The following ALDOC variants were observed in gnomAD, a reference collection of about 807,000 sequenced individuals.
The protein encoded by ALDOC is fructose-bisphosphate aldolase C.
In ALDOC, 23 loss-of-function variants were observed where a neutral mutation model predicts 39.5. The ratio of observed to expected loss-of-function variants is 0.58; its 90% CI spans 0.42 to 0.82. The LOEUF (loss-of-function observed/expected upper bound fraction) is 0.82. Among genes scored for constraint, ALDOC ranks in the 40% least tolerant of loss-of-function variants. The pLI is 0.00. For missense variants in ALDOC, 356 were observed against 479.1 expected, an observed-to-expected ratio of 0.74 and a Z score of 2.40; for synonymous variants, 160 against 182.6, an observed-to-expected ratio of 0.88 and a Z score of 1.00.
At position 28,574,865 on chromosome 17, in the gene ALDOC, ACAGTGCCAACCT is replaced by A. The variant is rs1353388592; in HGVS notation, c.380-21_380-10del. 9 of 1,614,230 alleles carry A rather than the reference ACAGTGCCAACCT, an allele frequency of 5.6e-6. No homozygotes were observed. Among genetic ancestry groups the A allele is most frequent in the Non-Finnish European group, 7.6e-6 (9 of 1,180,036 alleles). On this transcript the variant is annotated splice_polypyrimidine_tract_variant and intron_variant, in intron 4 of 8. Coordinates refer to ENST00000226253, the MANE Select transcript of ALDOC (RefSeq NM_005165.3). ...TGAGAGCCCATCCAGCCCTGCAAGC[ACAGTGCCAACCT>A]CATTACTCTGCCCCTCTTTTACCAG...
intron 6 of ALDOC, 90 bp downstream of exon 6, chr17:28,574,404 G>T: frequency 6.7e-7 from 1 of 1,487,394 alleles, no homozygotes; most frequent in South Asian, 1.1e-5. Flanking sequence ...AGGGGAAAGT[G>T]TGCCTGGATC....
chr17:28,574,232 C>A lies in ALDOC; in HGVS notation c.634G>T (p.Ala212Ser), dbSNP rs1290569916. Reference sequence around the variant, plus strand: ...TGGTCACTCAGGGCCTTGTACACAGCAGCCAAGACCTGGGTGGGGATTAGA... The same window carrying A: ...TGGTCACTCAGGGCCTTGTACACAGAAGCCAAGACCTGGGTGGGGATTAGA... ...CQYVTEKVLAAVYKALSDHHV... is the reference protein window; with the variant it reads ...CQYVTEKVLASVYKALSDHHV... Residue 212 changes from alanine (A) to serine (S), a missense_variant, in exon 7 of 9, where the codon GCT becomes TCT. Physicochemically the swap from Ala to Ser is moderately conservative, Grantham distance 99. Coordinates refer to ENST00000226253, the MANE Select transcript of ALDOC (RefSeq NM_005165.3). 7 of 1,586,888 alleles carry A rather than the reference C, an allele frequency of 4.4e-6. No homozygotes were observed. The Admixed American group carries it at 9.0e-5, about 20-fold the overall frequency.
At position 28,574,676 on chromosome 17, in the gene ALDOC, C is replaced by CA; in HGVS notation, c.540+19dup. ...CAGGCATACAGGGCACCTAGCTCAC[C>CA]ACCCTCCCAACACACACACCTGCTG... On this transcript the variant is annotated intron_variant, in intron 5 of 8. Coordinates refer to ENST00000226253, the MANE Select transcript of ALDOC (RefSeq NM_005165.3). The CA allele has an allele frequency of 1.9e-6, 3 of 1,614,022 alleles. No individual in the cohort carries two copies.
chr17:28,573,638 G>A lies in ALDOC; in HGVS notation c.1000-17C>T. On this transcript the variant is annotated splice_polypyrimidine_tract_variant and intron_variant, in intron 8 of 8. Transcript: ENST00000226253. This position sits in a 1 kb window ranked among gnomAD's most constrained non-coding sequence, Gnocchi z 4.3. Reference sequence around the variant, plus strand: ...CCCATTCACCTGCAAAAGGGAGCGTGGAGTAAGCAGGCTGAGCCAGCCCAC... The same window carrying A: ...CCCATTCACCTGCAAAAGGGAGCGTAGAGTAAGCAGGCTGAGCCAGCCCAC... 1 of 1,614,126 alleles carries A rather than the reference G, an allele frequency of 6.2e-7. No homozygotes were observed. Among genetic ancestry groups the A allele is most frequent in the Non-Finnish European group, 8.5e-7 (1 of 1,179,960 alleles).
Position 28,575,318 on chromosome 17 carries a change from C to G in ALDOC, c.129G>C (p.Arg43=), listed in dbSNP as rs773307482. The G allele has an allele frequency of 1.2e-6, 2 of 1,614,220 alleles. No homozygotes were observed. Among genetic ancestry groups the G allele is most frequent in the South Asian group, 2.2e-5 (2 of 91,090 alleles). The change falls in exon 3 of 9, where the codon CGG becomes CGC. Residue 43 remains arginine (R), a synonymous_variant. Transcript: ENST00000226253. The surrounding 1 kb of genome is among the most constrained non-coding windows in gnomAD (Gnocchi z 4.3). The part of the protein sequence containing the change: ...ADESVGSMAK[R]LSQIGVENTE... ...TGTTTTCCACCCCAATTTGGCTCAG[C>G]CGCTTGGCCATGCTGCCTAGGGGCA...
chr17:28,576,860 C>T lies in ALDOC; in HGVS notation c.-72G>A. On this transcript the variant is annotated 5_prime_UTR_variant, in exon 1 of 9. Transcript: ENST00000226253. ...CACAGCTCGGGTTCTGATCCGCAAA[C>T]AGATGAGGCTGCAGCCCTGGCTCCC... 1 of 985,496 alleles carries T rather than the reference C, an allele frequency of 1.0e-6. No individual in the cohort carries two copies. The highest frequency in any genetic ancestry group is 1.2e-6 in the Non-Finnish European group (1 of 829,964). The allele number at this position is 985,496 out of a possible 1,614,324, so 61.0% of individuals were successfully genotyped here. A position where few individuals can be genotyped will look rare whatever the true frequency, so the allele number is the denominator to read the frequency against.
chr17:28,574,401 A>C (rs1597590047), intron 6 of ALDOC, 93 bp downstream of exon 6: 1 of 1,481,584 alleles, frequency 6.7e-7, no homozygotes, highest in Admixed American at 1.7e-5. Flanking sequence ...GCTAGGGGAA[A>C]GTGTGCCTGG....
rs369962449 is a variant in ALDOC, at chr17:28,573,906, G to A, written c.828C>T (p.Ser276=). 78 of 1,614,170 alleles carry A rather than the reference G, an allele frequency of 4.8e-5. No individual in the cohort carries two copies. The highest frequency in any genetic ancestry group is 3.3e-4 in the Middle Eastern group (2 of 6,062). Residue 276 remains serine, a synonymous_variant, in exon 8 of 9, where the codon AGC becomes AGT. Transcript: ENST00000226253. The surrounding 1 kb of genome is among the most constrained non-coding windows in gnomAD (Gnocchi z 4.3). ...PGVTFLSGGQ[S]EEEASFNLNA... is the part of the protein sequence containing the mutation. ...TGAGGTTGAATGATGCCTCTTCTTC[G>A]CTCTGACCCCCAGACAGGAAGGTCA... is the stretch of plus-strand genomic sequence containing the variant.
In ALDOC at chr17:28,575,087, C is replaced by T. The variant is rs372133815; in HGVS notation, c.324+36G>A. On this transcript the variant is annotated intron_variant, in intron 3 of 8. Transcript: ENST00000226253. The surrounding 1 kb of genome is among the most constrained non-coding windows in gnomAD (Gnocchi z 4.3). ...CCTCCTACACAAGCTTATTTTCACA[C>T]CCAGCTTCCATTCAGAGCAGGGCCA... 3.1e-6 allele frequency: 5 copies of T among 1,613,972 alleles called. No individual in the cohort carries two copies. The African/African-American group carries it at 5.3e-5, about 17-fold the overall frequency.
intron 1 of ALDOC, 136 bp downstream of exon 1, chr17:28,576,665 G>A (rs926925884): frequency 7.2e-6 from 3 of 418,412 alleles, no homozygotes; most frequent in South Asian, 9.9e-5. Context: ...TCAAGTACGC[G>A]GAAAGGAGCA....
At position 28,575,305 on chromosome 17, in the gene ALDOC, C is replaced by G. The variant is rs1164546063; in HGVS notation, c.142G>C (p.Gly48Arg). The part of the protein sequence containing the change: ...GSMAKRLSQI[G>R]VENTEENRRL... ...CGGTTCTCCTCTGTGTTTTCCACCC[C>G]AATTTGGCTCAGCCGCTTGGCCATG... Residue 48 changes from glycine to arginine, a missense_variant, in exon 3 of 9, where the codon GGG (glycine) becomes CGG (arginine). Gly to Arg is a moderately radical substitution (Grantham distance 125). Coordinates refer to ENST00000226253, the MANE Select transcript of ALDOC (RefSeq NM_005165.3). This position sits in a 1 kb window ranked among gnomAD's most constrained non-coding sequence, Gnocchi z 4.3. 6.2e-7 allele frequency: 1 copy of G among 1,614,086 alleles called. No individual in the cohort carries two copies. The highest frequency in any genetic ancestry group is 8.5e-7 in the Non-Finnish European group (1 of 1,180,040).
Position 28,573,689 on chromosome 17 carries a change from A to T in ALDOC, c.999+46T>A. 1 of 1,613,884 alleles carries T rather than the reference A, an allele frequency of 6.2e-7. No homozygotes were observed. Among genetic ancestry groups the T allele is most frequent in the Non-Finnish European group, 8.5e-7 (1 of 1,179,868 alleles). On this transcript the variant is annotated intron_variant, in intron 8 of 8. Transcript: ENST00000226253. The surrounding 1 kb of genome is among the most constrained non-coding windows in gnomAD (Gnocchi z 4.3). ...AGGTGCCAAGCCCTGCCCAGGCTAT[A>T]GCCTCTGGGTGCTGCCCCCACCCAC...
Position 28,574,835 on chromosome 17 carries a change from C to A in ALDOC, c.401G>T (p.Arg134Leu). ...TTQGLDGLSE[R>L]CAQYKKDGAD... is the part of the protein sequence containing the mutation. ...ACCATCCTTCTTGTATTGGGCACAG[C>A]GTTCTGAGAGCCCATCCAGCCCTGC... is the stretch of plus-strand genomic sequence containing the variant. The change falls in exon 5 of 9, where the codon CGC becomes CTC. Residue 134 changes from arginine to leucine, a missense_variant. By Grantham distance (102) the Arg-to-Leu change is moderately radical. Transcript: ENST00000226253. The A allele has an allele frequency of 6.2e-7, 1 of 1,614,226 alleles. No homozygotes were observed. The highest frequency in any genetic ancestry group is 8.5e-7 in the Non-Finnish European group (1 of 1,180,038).
At position 28,575,043 on chromosome 17, in the gene ALDOC, C is replaced by T. The variant is rs750590868; in HGVS notation, c.325-37G>A. ...GTACAAGCAGAGGGTTGAATCCAGGCAGGATTCTCCTTGCTACCCCTCCTA... is the reference window on the plus strand; with the variant it reads ...GTACAAGCAGAGGGTTGAATCCAGGTAGGATTCTCCTTGCTACCCCTCCTA... On this transcript the variant is annotated intron_variant, in intron 3 of 8. Transcript: ENST00000226253. The surrounding 1 kb of genome is among the most constrained non-coding windows in gnomAD (Gnocchi z 4.3). 34 of 1,614,180 alleles carry T rather than the reference C, an allele frequency of 2.1e-5. No homozygotes were observed. The East Asian group carries it at 7.6e-4, about 36-fold the overall frequency.
Position 28,575,495 on chromosome 17 carries a change from T to C in ALDOC, c.38A>G (p.Lys13Arg), listed in dbSNP as rs752520860. The C allele has an allele frequency of 1.4e-5, 23 of 1,614,094 alleles. No individual in the cohort carries two copies. Among genetic ancestry groups the C allele is most frequent in the Non-Finnish European group, 1.9e-5 (23 of 1,180,048 alleles). ...HSYPALSAEQKKELSDIALRI... is the reference protein window; with the variant it reads ...HSYPALSAEQRKELSDIALRI... ...CAGGGCAATGTCAGACAACTCCTTC[T>C]TCTGCTCAGCAGAAAGGGCTGGGTA... Residue 13 changes from lysine (K) to arginine (R), a missense_variant, in exon 2 of 9, where the codon AAG (lysine) becomes AGG (arginine). Lys to Arg is a conservative substitution (Grantham distance 26). Coordinates refer to ENST00000226253, the MANE Select transcript of ALDOC (RefSeq NM_005165.3). The surrounding 1 kb of genome is among the most constrained non-coding windows in gnomAD (Gnocchi z 4.3).
Position 28,574,063 on chromosome 17 carries a change from G to A in ALDOC, c.799+4C>T, listed in dbSNP as rs377287523. The A allele has an allele frequency of 2.7e-5, 43 of 1,595,312 alleles. No individual in the cohort carries two copies. Among genetic ancestry groups the A allele is most frequent in the Non-Finnish European group, 3.7e-5 (43 of 1,170,130 alleles). On this transcript the variant is annotated splice_donor_region_variant and intron_variant, in intron 7 of 8. Coordinates refer to ENST00000226253, the MANE Select transcript of ALDOC (RefSeq NM_005165.3). ...TAGGAGCAGGTTAGGGAGCTGGGTA[G>A]TACCTGGGACAGCTGGGGGCACAGT...
Position 28,575,505 on chromosome 17 carries a change from C to G in ALDOC, c.28G>C (p.Ala10Pro), listed in dbSNP as rs372538665. The change falls in exon 2 of 9, where the codon GCT becomes CCT. Residue 10 changes from alanine (A) to proline (P), a missense_variant. Transcript: ENST00000226253. This position sits in a 1 kb window ranked among gnomAD's most constrained non-coding sequence, Gnocchi z 4.3. MPHSYPALS[A>P]EQKKELSDIA... is the part of the protein sequence containing the mutation. ...TCAGACAACTCCTTCTTCTGCTCAG[C>G]AGAAAGGGCTGGGTACGAGTGAGGC... The G allele has an allele frequency of 6.2e-7, 1 of 1,614,056 alleles. No homozygotes were observed. Among genetic ancestry groups the G allele is most frequent in the African/African-American group, 1.3e-5 (1 of 74,928 alleles).
At chr17:28,574,356 G>T in intron 6 of ALDOC, 115 bp from the exon 7 acceptor site, 1 of 1,425,552 alleles carries the variant, frequency 7.0e-7, no homozygotes, top group South Asian at 1.2e-5. Context: ...TACAGGCTCA[G>T]ATCACAGGCC....
chr17:28,574,702 G>A lies in ALDOC; in HGVS notation c.534C>T (p.Cys178=). ...ANVLARYASI[C]QQNGIVPIVE... ...ACCCTCCCAACACACACACCTGCTG[G>A]CAGATACTGGCATAACGGGCCAGCA... Residue 178 remains cysteine (C), a synonymous_variant, in exon 5 of 9, where the codon TGC becomes TGT. Transcript: ENST00000226253. 4 of 1,614,118 alleles carry A rather than the reference G, an allele frequency of 2.5e-6. No individual in the cohort carries two copies. The highest frequency in any genetic ancestry group is 3.4e-6 in the Non-Finnish European group (4 of 1,180,020).
Sources: gnomAD v4.1 joint callset for allele counts on GRCh38, gnomAD v4.1.1 for gene constraint, Gnocchi (gnomAD v3.1) non-coding constraint, MANE v1.5 for transcripts, NCBI Gene and HGNC (gene_info 2026-07-23, HGNC 2026-07-21) for gene names.